CRYL1: variants seen among roughly 807,000 people sequenced by gnomAD.
CRYL1 encodes the protein lambda-crystallin homolog.
A neutral mutation model predicts 36.6 loss-of-function variants in CRYL1; 29 were observed. The ratio of observed to expected loss-of-function variants is 0.79; its 90% confidence interval spans 0.59 to 1.08. The LOEUF is 1.08. Ranked by LOEUF, CRYL1 falls within the 50% of genes least tolerant of loss-of-function variation. CRYL1 has a pLI of 0.00. For synonymous variants in CRYL1, 152 were observed against 151.5 expected (o/e 1.00, Z -0.02); for missense variants, 411 against 407.9 (o/e 1.01, Z -0.06).
chr13:20,445,051 G>A (rs537749279), intron 3 of CRYL1, among the ~76,000 whole-genome samples: 42 of 152,176 alleles, frequency 2.8e-4, no homozygotes, highest in African/African-American at 8.7e-4. Flanking sequence ...GGAATAGCAC[G>A]AAACATAAAA....
chr13:20,498,018 C>T (rs56209062), intron 2 of CRYL1, among the ~76,000 whole-genome samples: 29,781 of 151,492 alleles, frequency 0.2, 3,034 homozygotes, highest in South Asian at 0.25. Flanking sequence ...CTTTTGGTCA[C>T]AGTTCTGTCT....
intron 2 of CRYL1, among the ~76,000 whole-genome samples, chr13:20,509,973 C>G (rs1345380937): frequency 6.6e-6 from 1 of 152,098 alleles, no homozygotes; most frequent in Non-Finnish European, 1.5e-5. Context: ...CATTATTTGC[C>G]TATTAGAATG....
intron 3 of CRYL1, among the ~76,000 whole-genome samples, chr13:20,486,337 G>A (rs1471035519): frequency 1.3e-5 from 2 of 152,176 alleles, no homozygotes; most frequent in Non-Finnish European, 1.5e-5. Context: ...TTCGTAGCAT[G>A]GCGACTTGGT....
intron 4 of CRYL1, among the ~76,000 whole-genome samples, chr13:20,437,409 A>G (rs1003366109): frequency 6.0e-5 from 9 of 150,962 alleles, no homozygotes; most frequent in Admixed American, 1.3e-4. Context: ...CTGGGTTCAC[A>G]CCATTCTCCT....
At chr13:20,511,730 G>A (rs2033920964) in intron 2 of CRYL1, among the ~76,000 whole-genome samples, 1 of 152,202 alleles carries the variant, frequency 6.6e-6, no homozygotes, top group African/African-American at 2.4e-5. Context: ...GACGCGCCAT[G>A]CGGTGAGGGT....
At chr13:20,404,348 G>A (rs1254450292) in intron 7 of CRYL1, 106 bp from the exon 8 acceptor site, 2 of 759,482 alleles carry the variant, frequency 2.6e-6, no homozygotes, top group African/African-American at 3.5e-5. Flanking sequence ...TGCTTTCAAA[G>A]ACAAAAGCAA....
At chr13:20,443,940 G>A (rs1256033959) in intron 3 of CRYL1, among the ~76,000 whole-genome samples, 1 of 152,186 alleles carries the variant, frequency 6.6e-6, no homozygotes, top group African/African-American at 2.4e-5. Flanking sequence ...CTCTCAGGCT[G>A]AAGATGGAGG....
rs1375294511 is a variant in CRYL1 at position 20,405,160 on chromosome 13, ACTC to A, written c.740-422_740-420del. On this transcript the variant is annotated intron_variant, in intron 6 of 7. Coordinates refer to ENST00000298248, the MANE Select transcript of CRYL1 (RefSeq NM_015974.3). The stretch of plus-strand genomic sequence containing the variant: ...GTGGCAGGTGCCTGTAATCTCAGCT[ACTC>A]AGGAGGCTGAGGCAGAAGAATCGCT... Among the ~76,000 whole-genome samples, 4 of 152,020 alleles carry A rather than the reference ACTC, an allele frequency of 2.6e-5. No individual in the cohort carries two copies. In the East Asian group the frequency reaches 7.7e-4, roughly 29 times the overall value.
rs2031784883 is a variant in CRYL1 at position 20,420,704 on chromosome 13, TGTGTGTGTGTGTG to T, written c.634-7330_634-7318del. ...TGACTTTTCTTTAAAATAGAGGTTG[TGTGTGTGTGTGTG>T]TGTGTGTGTGTGTGTGTGTGTGTGT... On this transcript the variant is annotated intron_variant, in intron 5 of 7. Coordinates refer to ENST00000298248, the MANE Select transcript of CRYL1 (RefSeq NM_015974.3). Among the ~76,000 whole-genome samples, 85 of 109,552 alleles carry T rather than the reference TGTGTGTGTGTGTG, an allele frequency of 7.8e-4. 15 individuals carry two copies. In the Middle Eastern group the frequency reaches 0.017, roughly 22 times the overall value. 71.9% of individuals were successfully genotyped at this position (109,552 alleles called of 152,430 possible). A position where few individuals can be genotyped will look rare whatever the true frequency, so the allele number is the denominator to read the frequency against.
intron 3 of CRYL1, among the ~76,000 whole-genome samples, chr13:20,441,611 C>T (rs17051835): frequency 0.011 from 1,685 of 152,262 alleles, 27 homozygotes; most frequent in African/African-American, 0.038. Context: ...AGTATAAACA[C>T]GAGCAGATAA....
At chr13:20,489,201 A>G (rs115008715) in intron 3 of CRYL1, among the ~76,000 whole-genome samples, 169 bp downstream of exon 3, 1,681 of 152,324 alleles carry the variant, frequency 0.011, 22 homozygotes, top group African/African-American at 0.038. Flanking sequence ...AACCCAGGAT[A>G]GAGGGTGTTT....
intron 3 of CRYL1, among the ~76,000 whole-genome samples, chr13:20,473,459 A>T (rs1385534186): frequency 1.3e-5 from 2 of 152,268 alleles, no homozygotes; most frequent in Admixed American, 6.5e-5. Flanking sequence ...GAGACCTCTG[A>T]ACTGGCCTTC....
At chr13:20,447,797 A>G (rs909342819) in intron 3 of CRYL1, among the ~76,000 whole-genome samples, 4 of 152,232 alleles carry the variant, frequency 2.6e-5, no homozygotes, top group Non-Finnish European at 5.9e-5. Flanking sequence ...ACCTTGCTCA[A>G]TTCCCAACTA....
chr13:20,457,947 C>T (rs111945561), intron 3 of CRYL1, among the ~76,000 whole-genome samples: 2,327 of 152,286 alleles, frequency 0.015, 67 homozygotes, highest in African/African-American at 0.053. Flanking sequence ...GTGACCCCGG[C>T]AGAGCCTCGA....
At chr13:20,518,576 A>G (rs1434673750) in intron 1 of CRYL1, among the ~76,000 whole-genome samples, 1 of 152,124 alleles carries the variant, frequency 6.6e-6, no homozygotes, top group African/African-American at 2.4e-5. Context: ...GTTTTTACTG[A>G]GTGAGATAGT....
intron 3 of CRYL1, among the ~76,000 whole-genome samples, chr13:20,452,543 T>C (rs2032593488): frequency 6.6e-6 from 1 of 152,102 alleles, no homozygotes; most frequent in South Asian, 2.1e-4. Flanking sequence ...ATACATGAAG[T>C]TGTTGGGGTT....
At chr13:20,521,550 G>A (rs1182577477) in intron 1 of CRYL1, among the ~76,000 whole-genome samples, 2 of 152,094 alleles carry the variant, frequency 1.3e-5, no homozygotes, top group Non-Finnish European at 2.9e-5. Context: ...CTATATGCCT[G>A]GGGACCTCAA....
At chr13:20,492,816 T>A (rs2033535844) in intron 2 of CRYL1, among the ~76,000 whole-genome samples, 1 of 152,072 alleles carries the variant, frequency 6.6e-6, no homozygotes, top group African/African-American at 2.4e-5. Context: ...TGATATGCAA[T>A]TTGCTCCTGC....
intron 3 of CRYL1, among the ~76,000 whole-genome samples, chr13:20,460,027 A>AT (rs1191929048): frequency 6.6e-6 from 1 of 152,122 alleles, no homozygotes; most frequent in East Asian, 1.9e-4. Context: ...ATGATTTGGA[A>AT]TTTTTTTCTT....
Sources: allele counts gnomAD v4.1 joint callset (sites outside exome capture counted in the v4.1 genomes callset), GRCh38; gene constraint gnomAD v4.1.1; transcripts MANE v1.5; gene names NCBI Gene and HGNC (gene_info 2026-07-23, HGNC 2026-07-21).